ADARB2: variants seen among roughly 807,000 people sequenced by gnomAD.
The protein encoded by ADARB2 is adenosine deaminase RNA specific B2 (inactive), also known as inactive double-stranded RNA-specific editase B2.
ADARB2 carries 25 observed loss-of-function variants against 62.2 expected under a neutral mutation model. That is an observed-to-expected ratio of 0.40 (90% CI 0.29 to 0.56). The LOEUF is 0.56. ADARB2 is among the 20% of genes least tolerant of loss of function. The probability of loss-of-function intolerance (pLI) is 0.43; values close to 1 mark genes in which losing one functional copy is unlikely to be tolerated. For missense variants in ADARB2, 1,071 were observed against 1,077.4 expected (o/e 0.99, Z 0.08); for synonymous variants, 572 against 500.8 (o/e 1.14, Z -1.90).
chr10:1,635,638 C>T (rs939114104), intron 1 of ADARB2, among the ~76,000 whole-genome samples: 1 of 152,222 alleles, frequency 6.6e-6, no homozygotes, highest in Non-Finnish European at 1.5e-5. Flanking sequence ...AAAGCTCTCC[C>T]ACTGTCTTCA....
At chr10:1,262,009 G>A (rs1331066269) in intron 4 of ADARB2, among the ~76,000 whole-genome samples, 1 of 147,940 alleles carries the variant, frequency 6.8e-6, no homozygotes, top group East Asian at 2.0e-4. Context: ...GGATGAAATT[G>A]GAAATCATCA....
chr10:1,675,499 G>A (rs1834455503), intron 1 of ADARB2: 2 of 954,552 alleles, frequency 2.1e-6, no homozygotes. Flanking sequence ...ATGTTCTGGA[G>A]GTTTGGGTTT....
chr10:1,644,063 G>A (rs10794780), intron 1 of ADARB2, among the ~76,000 whole-genome samples: 44,139 of 152,140 alleles, frequency 0.29, 7,431 homozygotes, highest in East Asian at 0.43. Flanking sequence ...CTCAAAGGCA[G>A]GAGTGGAAGC....
chr10:1,348,147 G>C (rs1047981944), intron 3 of ADARB2, among the ~76,000 whole-genome samples: 2 of 152,208 alleles, frequency 1.3e-5, no homozygotes, highest in Non-Finnish European at 2.9e-5. Context: ...GCTGAGCACG[G>C]GGTGTGCCCT....
chr10:1,677,189 C>G (rs1834476673), intron 1 of ADARB2, among the ~76,000 whole-genome samples: 1 of 152,224 alleles, frequency 6.6e-6, no homozygotes, highest in African/African-American at 2.4e-5. Flanking sequence ...ATAACTGTTT[C>G]CTTCCGAAGG....
chr10:1,215,695 C>T (rs12355295), intron 7 of ADARB2: 5,848 of 152,332 alleles, frequency 0.038, 162 homozygotes, highest in Middle Eastern at 0.075. Flanking sequence ...TGTTCTGGGT[C>T]CCTCAACCCA....
At chr10:1,383,480 G>T (rs1250595354) in intron 1 of ADARB2, among the ~76,000 whole-genome samples, 1 of 151,712 alleles carries the variant, frequency 6.6e-6, no homozygotes, top group African/African-American at 2.4e-5. Flanking sequence ...AGGCACATGT[G>T]GATATGCCAG....
At chr10:1,724,642 G>T (rs532747611) in intron 1 of ADARB2, among the ~76,000 whole-genome samples, 7 of 152,312 alleles carry the variant, frequency 4.6e-5, no homozygotes, top group African/African-American at 1.4e-4. Flanking sequence ...CCACAGCCTG[G>T]TGGGGTCCTG....
intron 1 of ADARB2, among the ~76,000 whole-genome samples, chr10:1,574,355 G>A (rs972724431): frequency 1.3e-5 from 2 of 152,356 alleles, no homozygotes; most frequent in Middle Eastern, 3.4e-3. Flanking sequence ...TGAAAGCAGA[G>A]GGGACATGGC....
chr10:1,363,077 T>C lies in ADARB2; in HGVS notation c.1028A>G (p.Gln343Arg). The C allele has an allele frequency of 6.8e-7, 1 of 1,470,302 alleles. No individual in the cohort carries two copies. Among genetic ancestry groups the C allele is most frequent in the Middle Eastern group, 1.8e-4 (1 of 5,600 alleles). The allele number at this position is 1,470,302 out of a possible 1,614,324, so 91.1% of individuals were successfully genotyped here. ...CCTGCCGGGCGCGTGGCCGGGCATC[T>C]GGATGTCGAACAGCTCCTGCAGTGC... ...QAALQELFDI[Q>R]MPGHAPGRAR... The change falls in exon 3 of 10, where the codon CAG (glutamine) becomes CGG (arginine). Residue 343 changes from glutamine (Q) to arginine (R), a missense_variant. Coordinates refer to ENST00000381312, the MANE Select transcript of ADARB2 (RefSeq NM_018702.4).
intron 4 of ADARB2, among the ~76,000 whole-genome samples, chr10:1,267,983 T>C (rs567154294): frequency 3.3e-5 from 5 of 152,274 alleles, no homozygotes; most frequent in South Asian, 2.1e-4. Flanking sequence ...ACACGTATAA[T>C]TGAGAGAGGC....
chr10:1,665,097 T>C (rs1834298523), intron 1 of ADARB2, among the ~76,000 whole-genome samples: 1 of 152,176 alleles, frequency 6.6e-6, no homozygotes, highest in Non-Finnish European at 1.5e-5. Context: ...GAACTTCTTG[T>C]ATTAAGTTTC....
intron 1 of ADARB2, among the ~76,000 whole-genome samples, chr10:1,688,221 C>G (rs1259706358): frequency 2.0e-5 from 3 of 152,204 alleles, no homozygotes; most frequent in African/African-American, 2.4e-5. Context: ...TTCTGACCAC[C>G]CTGTCCCACT....
chr10:1,195,803 G>A (rs1426666194), intron 8 of ADARB2, among the ~76,000 whole-genome samples: 1 of 152,158 alleles, frequency 6.6e-6, no homozygotes, highest in Admixed American at 6.6e-5. Context: ...GGGAGAGTCT[G>A]GCATCCTAAG....
At chr10:1,500,640 G>T (rs551738806) in intron 1 of ADARB2, among the ~76,000 whole-genome samples, 1 of 152,264 alleles carries the variant, frequency 6.6e-6, no homozygotes, top group East Asian at 1.9e-4. Context: ...TGATTAGGGC[G>T]ATAAAAGAGA....
chr10:1,668,233 G>C (rs1834337697), intron 1 of ADARB2, among the ~76,000 whole-genome samples: 1 of 152,190 alleles, frequency 6.6e-6, no homozygotes, highest in African/African-American at 2.4e-5. Flanking sequence ...TTTGAGTGAA[G>C]TCTTCCTTCT....
intron 1 of ADARB2, among the ~76,000 whole-genome samples, chr10:1,656,531 G>GGA (rs35967442): frequency 0.21 from 32,089 of 150,188 alleles, 3,448 homozygotes; most frequent in East Asian, 0.28. Context: ...AGAGAAAAAG[G>GGA]GAGAGAGAGA....
In ADARB2 at chr10:1,197,722, C is replaced by G. The variant is rs1246958097; in HGVS notation, c.1864+2244G>C. Among the ~76,000 whole-genome samples the G allele has an allele frequency of 3.9e-5, 6 of 152,302 alleles. No individual in the cohort carries two copies. The South Asian group carries it at 1.2e-3, about 32-fold the overall frequency. ...ATCACAGTTTTATCTTCAGTGTGGA[C>G]TAAGAAATTAATCATTGACAACATA... is the stretch of plus-strand genomic sequence containing the variant. On this transcript the variant is annotated intron_variant, in intron 8 of 9. Transcript: ENST00000381312.
intron 1 of ADARB2, among the ~76,000 whole-genome samples, chr10:1,654,093 C>T (rs748571652): frequency 7.9e-5 from 12 of 152,128 alleles, no homozygotes; most frequent in South Asian, 2.1e-4. Flanking sequence ...CTCCTCTCCA[C>T]GCCTGCTCCT....
Sources: allele counts gnomAD v4.1 joint callset (sites outside exome capture counted in the v4.1 genomes callset), GRCh38; gene constraint gnomAD v4.1.1; transcripts MANE v1.5; gene names NCBI Gene and HGNC (gene_info 2026-07-23, HGNC 2026-07-21).